COL20A1: variants seen among roughly 807,000 people sequenced by gnomAD.
COL20A1 encodes the protein collagen alpha-1(XX) chain.
Under a neutral mutation model 152.9 loss-of-function variants are expected in COL20A1, and 164 were observed. The ratio of observed to expected loss-of-function variants is 1.07; its 90% confidence interval spans 0.94 to 1.22. The LOEUF (loss-of-function observed/expected upper bound fraction) is 1.22. COL20A1 is among the 50% of genes most tolerant of loss of function. The probability of loss-of-function intolerance (pLI) is 0.00; values close to 1 mark genes in which losing one functional copy is unlikely to be tolerated. For missense variants in COL20A1, 1,873 were observed against 1,744.8 expected (o/e 1.07, Z -1.31); for synonymous variants, 864 against 756.0 (o/e 1.14, Z -2.34).
At chr20:63,320,499 G>A in intron 25 of COL20A1, 131 bp downstream of exon 25, 1 of 907,158 alleles carries the variant, frequency 1.1e-6, no homozygotes. Flanking sequence ...AAGGCTTTCA[G>A]AGGAGGCAGC....
chr20:63,294,814 T>G (rs1312259014), intron 1 of COL20A1, among the ~76,000 whole-genome samples: 1 of 152,026 alleles, frequency 6.6e-6, no homozygotes, highest in Non-Finnish European at 1.5e-5. Flanking sequence ...GGGCTGGGGG[T>G]CCTGTTGTCA....
At position 63,303,647 on chromosome 20, in the gene COL20A1, C is replaced by T. The variant is rs532470419; in HGVS notation, c.194-1770C>T. 2.0e-5 allele frequency among the ~76,000 whole-genome samples: 3 copies of T among 152,308 alleles called. No individual in the cohort carries two copies. The East Asian group carries it at 5.8e-4, about 29-fold the overall frequency. ...AGCTGTTGATGGTAATGACAACACC[C>T]CTGCCTCCCATTTGCTCAGCCAAGA... is the stretch of plus-strand genomic sequence containing the variant. On this transcript the variant is annotated intron_variant, in intron 3 of 35. Coordinates refer to ENST00000358894, the MANE Select transcript of COL20A1 (RefSeq NM_020882.4).
Position 63,310,411 on chromosome 20 carries a change from G to C in COL20A1, c.1294G>C (p.Glu432Gln), listed in dbSNP as rs755573443. 3 of 1,610,984 alleles carry C rather than the reference G, an allele frequency of 1.9e-6. No homozygotes were observed. The highest frequency in any genetic ancestry group is 2.5e-6 in the Non-Finnish European group (3 of 1,179,232). ...VVVEGPAAST[E>Q]LHNLASRTEY... ...GGTGGAGGGACCCGCCGCCTCCACG[G>C]AGCTGCACAACCTGGCCTCCCGCAC... Residue 432 changes from glutamate to glutamine, a missense_variant, in exon 11 of 36, where the codon GAG (glutamate) becomes CAG (glutamine). Transcript: ENST00000358894.
chr20:63,325,702 T>C lies in COL20A1; in HGVS notation c.3383T>C (p.Val1128Ala). The change falls in exon 29 of 36, where the codon GTT (valine) becomes GCT (alanine). Residue 1128 changes from valine (V) to alanine (A), a missense_variant. By Grantham distance (64) the Val-to-Ala change is moderately conservative. Coordinates refer to ENST00000358894, the MANE Select transcript of COL20A1 (RefSeq NM_020882.4). The part of the protein sequence containing the change: ...HPGHQGIPGR[V>A]GLQGPKGMRG... Reference sequence around the variant, plus strand: ...GGCCACCAGGGCATCCCCGGGAGAGTTGGCCTCCAGGGACCAAAGGTGCCG... The same window carrying C: ...GGCCACCAGGGCATCCCCGGGAGAGCTGGCCTCCAGGGACCAAAGGTGCCG... The C allele has an allele frequency of 3.1e-6, 5 of 1,611,648 alleles. No homozygotes were observed. The highest frequency in any genetic ancestry group is 4.2e-6 in the Non-Finnish European group (5 of 1,179,496).
chr20:63,311,333 C>A lies in COL20A1; in HGVS notation c.1394-61C>A. The stretch of plus-strand genomic sequence containing the variant: ...CACCCACTCTGGTGTGAGGGTGCCC[C>A]GTGCGTGGGTGTGATCTCTGTGTGG... On this transcript the variant is annotated intron_variant, in intron 11 of 35. Coordinates refer to ENST00000358894, the MANE Select transcript of COL20A1 (RefSeq NM_020882.4). This position sits in a 1 kb window ranked among gnomAD's most constrained non-coding sequence, Gnocchi z 4.4. 6.8e-7 allele frequency: 1 copy of A among 1,479,408 alleles called. No homozygotes were observed. Among genetic ancestry groups the A allele is most frequent in the South Asian group, 1.3e-5 (1 of 76,622 alleles). 91.6% of individuals were successfully genotyped at this position (1,479,408 alleles called of 1,614,324 possible).
At chr20:63,307,417 G>A (rs2067939276) in intron 5 of COL20A1, 73 bp from the exon 6 acceptor site, 14 of 1,426,716 alleles carry the variant, frequency 9.8e-6, no homozygotes, top group African/African-American at 1.4e-5. Flanking sequence ...CTGGAGCCCC[G>A]GGGTAGGTGA....
intron 3 of COL20A1, among the ~76,000 whole-genome samples, chr20:63,303,799 C>T (rs1444035051): frequency 4.0e-5 from 6 of 151,614 alleles, no homozygotes; most frequent in African/African-American, 1.5e-4. Flanking sequence ...GTTCCTCCCT[C>T]CCTTCCTCCC....
chr20:63,301,526 T>G (rs2067863325), intron 3 of COL20A1, among the ~76,000 whole-genome samples: 1 of 152,232 alleles, frequency 6.6e-6, no homozygotes, highest in Admixed American at 6.5e-5. Context: ...AAATCTCCAT[T>G]CTAATTGTAG....
At position 63,311,517 on chromosome 20, in the gene COL20A1, A is replaced by G; in HGVS notation, c.1517A>G (p.Lys506Arg). 2 of 1,591,348 alleles carry G rather than the reference A, an allele frequency of 1.3e-6. No individual in the cohort carries two copies. Among genetic ancestry groups the G allele is most frequent in the African/African-American group, 1.3e-5 (1 of 74,812 alleles). Residue 506 changes from lysine to arginine, a missense_variant, in exon 12 of 36, where the codon AAG becomes AGG. Transcript: ENST00000358894. The surrounding 1 kb of genome is among the most constrained non-coding windows in gnomAD (Gnocchi z 4.4). ...YLVRCSPASP[K>R]GEEEEREVQV... ...GTGCGATGTTCTCCTGCTTCCCCCA[A>G]GGGTGAAGAGGAGGAGCGAGAGGTG...
At chr20:63,295,037 G>A in intron 1 of COL20A1, 61 bp from the exon 2 acceptor site, 1 of 1,077,502 alleles carries the variant, frequency 9.3e-7, no homozygotes, top group Non-Finnish European at 1.4e-6. Context: ...CTCTGGCGTT[G>A]TGGTCAGGGA....
Position 63,328,359 on chromosome 20 carries a change from C to G in COL20A1, c.3642C>G (p.His1214Gln), listed in dbSNP as rs1467474284. The G allele has an allele frequency of 2.5e-6, 4 of 1,612,634 alleles. No homozygotes were observed. Among genetic ancestry groups the G allele is most frequent in the African/African-American group, 1.3e-5 (1 of 75,042 alleles). Residue 1214 changes from histidine to glutamine, a missense_variant, in exon 34 of 36, where the codon CAC becomes CAG. Coordinates refer to ENST00000358894, the MANE Select transcript of COL20A1 (RefSeq NM_020882.4). ...ASHVSKFDSF[H>Q]ENTRPPMPIL... ...ACGTGTCAAAGTTCGACTCCTTCCA[C>G]GAGAACACCAGGCCCCCCATGCCCA... is the stretch of plus-strand genomic sequence containing the variant.
At position 63,333,194 on chromosome 20, in the gene COL20A1, TA is replaced by T. The variant is rs2068354558; in HGVS notation, c.*2479del. ...CCCAGAGGCAGCACAGCTTCAGCCC[TA>T]CGCAGTGTGGGGGCTCCGGGAGGAA... On this transcript the variant is annotated 3_prime_UTR_variant, in exon 36 of 36. Coordinates refer to ENST00000358894, the MANE Select transcript of COL20A1 (RefSeq NM_020882.4). 1.3e-5 allele frequency: 2 copies of T among 152,550 alleles called. No homozygotes were observed. 9.4% of individuals were successfully genotyped at this position (152,550 alleles called of 1,614,324 possible).
At chr20:63,317,726 C>T (rs924631648) in intron 21 of COL20A1, among the ~76,000 whole-genome samples, 7 of 151,976 alleles carry the variant, frequency 4.6e-5, no homozygotes, top group South Asian at 2.1e-4. Flanking sequence ...TCCCTCCCCC[C>T]AGTCTTGCTG....
intron 8 of COL20A1, 50 bp from the exon 9 acceptor site, chr20:63,309,283 C>G: frequency 7.3e-7 from 1 of 1,362,240 alleles, no homozygotes; most frequent in Non-Finnish European, 9.6e-7. Flanking sequence ...CAGGTGGCCC[C>G]GTCGGGTGAC....
intron 29 of COL20A1, 90 bp downstream of exon 29, chr20:63,325,811 G>A (rs1210584699): frequency 1.1e-5 from 13 of 1,204,958 alleles, no homozygotes; most frequent in Non-Finnish European, 1.6e-5. Context: ...GTGGGGTAGG[G>A]AGGGGGAGGT....
Position 63,298,026 on chromosome 20 carries a change from G to T in COL20A1, c.193+6G>T. 6.3e-7 allele frequency: 1 copy of T among 1,580,266 alleles called. No homozygotes were observed. The highest frequency in any genetic ancestry group is 1.1e-5 in the South Asian group (1 of 90,406). ...GCAGGTGAAGCCCATGGCAGGTGAG[G>T]ACCTGCCCCTCCCAGGCCCCCTTCC... On this transcript the variant is annotated splice_donor_region_variant and intron_variant, in intron 3 of 35. Transcript: ENST00000358894.
At position 63,306,840 on chromosome 20, in the gene COL20A1, C is replaced by G. The variant is rs1051905103; in HGVS notation, c.497-650C>G. ...TGTTCTCCTCAGACTTGGGCATATC[C>G]CCTCCAGAGGGTCCTCGGGTCCGCT... is the stretch of plus-strand genomic sequence containing the variant. On this transcript the variant is annotated intron_variant, in intron 5 of 35. Transcript: ENST00000358894. The surrounding 1 kb of genome is among the most constrained non-coding windows in gnomAD (Gnocchi z 6.9). Among the ~76,000 whole-genome samples, 2 of 152,200 alleles carry G rather than the reference C, an allele frequency of 1.3e-5. No homozygotes were observed. Among genetic ancestry groups the G allele is most frequent in the African/African-American group, 4.8e-5 (2 of 41,446 alleles).
intron 2 of COL20A1, among the ~76,000 whole-genome samples, chr20:63,296,725 G>A (rs60546976): frequency 0.012 from 1,884 of 152,292 alleles, 32 homozygotes; most frequent in African/African-American, 0.041. Flanking sequence ...GCTCACAGCT[G>A]GCCTTCAGAG....
intron 1 of COL20A1, 77 bp downstream of exon 1, chr20:63,293,352 G>C (rs960182644): frequency 1.3e-5 from 2 of 152,172 alleles, no homozygotes; most frequent in African/African-American, 4.8e-5. Flanking sequence ...GTGATCTGAG[G>C]GTGACTGACT....
Sources: allele counts gnomAD v4.1 joint callset (sites outside exome capture counted in the v4.1 genomes callset), GRCh38; gene constraint gnomAD v4.1.1; non-coding constraint Gnocchi (gnomAD v3.1); transcripts MANE v1.5; gene names NCBI Gene and HGNC (gene_info 2026-07-23, HGNC 2026-07-21).